Variants in LAT observed in about 807,000 individuals in gnomAD.
LAT encodes linker for activation of T cells, also known as linker for activation of T-cells family member 1.
A neutral mutation model predicts 39.1 loss-of-function variants in LAT; 12 were observed. The observed-to-expected ratio is 0.31, with a 90% CI of 0.20 to 0.50. LAT has a LOEUF of 0.50. LAT is among the 20% of genes least tolerant of loss of function. The probability of loss-of-function intolerance (pLI) is 0.98; values close to 1 mark genes in which losing one functional copy is unlikely to be tolerated. For synonymous variants in LAT, 117 were observed against 123.8 expected, an observed-to-expected ratio of 0.95 and a Z score of 0.36; for missense variants, 253 against 308.0, an observed-to-expected ratio of 0.82 and a Z score of 1.34.
At chr16:28,989,350 C>A (rs542002275) in intron 8 of LAT, 177 bp from the exon 9 acceptor site, 20 of 601,522 alleles carry the variant, frequency 3.3e-5, no homozygotes, top group Middle Eastern at 6.7e-4. Flanking sequence ...CCAACACCAT[C>A]CTTGCCAGCC....
In LAT at chr16:28,989,673, G is replaced by C. The variant is rs1965830186; in HGVS notation, c.556+84G>C. ...CAGTGTGACCAGATCCCACCCTGGGGCTACCCACACCCTCTGCCCCCTCTG... is the reference window on the plus strand; with the variant it reads ...CAGTGTGACCAGATCCCACCCTGGGCCTACCCACACCCTCTGCCCCCTCTG... On this transcript the variant is annotated intron_variant, in intron 9 of 11. Transcript: ENST00000395456. The C allele has an allele frequency of 3.2e-6, 5 of 1,583,626 alleles. No individual in the cohort carries two copies. In the African/African-American group the frequency reaches 4.0e-5, roughly 13 times the overall value.
At chr16:28,985,035 C>T (rs1965709328), upstream of LAT, 1 of 1,426,678 alleles carries the variant, frequency 7.0e-7, no homozygotes, top group Non-Finnish European at 9.1e-7. This position sits in a 1 kb window ranked among gnomAD's most constrained non-coding sequence, Gnocchi z 4.6. Flanking sequence ...ATTTCCTGCC[C>T]TCGCCCGGCG....
chr16:28,987,030 C>T (rs1027675111), intron 8 of LAT, 137 bp downstream of exon 8: 2 of 717,342 alleles, frequency 2.8e-6, no homozygotes, highest in South Asian at 2.0e-5. Flanking sequence ...GCCTCAGCCT[C>T]CCAAGTAGCT....
At chr16:28,984,864 G>A (rs1157549036), upstream of LAT, 2 of 1,550,028 alleles carry the variant, frequency 1.3e-6, no homozygotes, top group East Asian at 2.4e-5. Context: ...TCCTGGATAT[G>A]GAGGCCACGG....
At position 28,985,382 on chromosome 16, in the gene LAT, AGG is replaced by A. The variant is rs982847413; in HGVS notation, c.-33_-32del. ...CCTTGACTCTGCCCTTGAGGGGCCT[AGG>A]GGTGCAGCCAGCCTGCTCCGAGCTC... On this transcript the variant is annotated 5_prime_UTR_variant, in exon 1 of 12. Transcript: ENST00000395456. This position sits in a 1 kb window ranked among gnomAD's most constrained non-coding sequence, Gnocchi z 4.6. 1 of 1,611,812 alleles carries A rather than the reference AGG, an allele frequency of 6.2e-7. No individual in the cohort carries two copies. The highest frequency in any genetic ancestry group is 1.7e-5 in the Admixed American group (1 of 59,952).
In LAT at chr16:28,985,932, G is replaced by A. The variant is rs1965738400; in HGVS notation, c.163+44G>A. On this transcript the variant is annotated intron_variant, in intron 3 of 11. Coordinates refer to ENST00000395456, the MANE Select transcript of LAT (RefSeq NM_001014987.2). The surrounding 1 kb of genome is among the most constrained non-coding windows in gnomAD (Gnocchi z 4.6). ...CCCTACCTTGGGTGCCAGGGAGAGG[G>A]TCCCCTGGTGTGGGAGTGAGCGTGA... 3.7e-6 allele frequency: 6 copies of A among 1,600,660 alleles called. No homozygotes were observed. Among genetic ancestry groups the A allele is most frequent in the Non-Finnish European group, 5.1e-6 (6 of 1,167,918 alleles).
chr16:28,987,827 C>A (rs1965792349), intron 8 of LAT: 1 of 152,122 alleles, frequency 6.6e-6, no homozygotes, highest in Non-Finnish European at 1.5e-5. Flanking sequence ...CATGGTGGCT[C>A]ACTCCTGTAA....
In LAT at chr16:28,985,225, C is replaced by G; in HGVS notation, c.-193C>G. On this transcript the variant is annotated 5_prime_UTR_variant, in exon 1 of 12. Transcript: ENST00000395456. The surrounding 1 kb of genome is among the most constrained non-coding windows in gnomAD (Gnocchi z 4.6). ...CAGTCAGCTGGACGCACACTCAGCC[C>G]AGTAAAAGAGGGGACCCATCCCGGG... is the stretch of plus-strand genomic sequence containing the variant. 2 of 1,435,054 alleles carry G rather than the reference C, an allele frequency of 1.4e-6. No individual in the cohort carries two copies. Among genetic ancestry groups the G allele is most frequent in the Non-Finnish European group, 1.8e-6 (2 of 1,099,162 alleles). The allele number at this position is 1,435,054 out of a possible 1,614,324, so 88.9% of individuals were successfully genotyped here. A position where few individuals can be genotyped will look rare whatever the true frequency, so the allele number is the denominator to read the frequency against.
chr16:28,987,408 T>G (rs1046251448), intron 8 of LAT, among the ~76,000 whole-genome samples: 2 of 152,206 alleles, frequency 1.3e-5, no homozygotes, highest in African/African-American at 4.8e-5. Flanking sequence ...ATGAAACATC[T>G]CTAAGGATGT....
At chr16:28,989,624 C>T in intron 9 of LAT, 35 bp downstream of exon 9, 1 of 1,593,676 alleles carries the variant, frequency 6.3e-7, no homozygotes, top group South Asian at 1.1e-5. Context: ...CCTGCCCCTG[C>T]ACCCCGCTGC....
At position 28,990,318 on chromosome 16, in the gene LAT, C is replaced by T. The variant is rs779141735; in HGVS notation, c.*137C>T. ...CTGACAACAGCCTGAGAAATCCCCC[C>T]GTAACTTATTATCACTTTGGGGTTC... On this transcript the variant is annotated 3_prime_UTR_variant, in exon 12 of 12. Transcript: ENST00000395456. 11 of 613,068 alleles carry T rather than the reference C, an allele frequency of 1.8e-5. No individual in the cohort carries two copies. The highest frequency in any genetic ancestry group is 1.5e-5 in the South Asian group (1 of 65,186). The allele number at this position is 613,068 out of a possible 1,614,324, so 38.0% of individuals were successfully genotyped here. A position where few individuals can be genotyped will look rare whatever the true frequency, so the allele number is the denominator to read the frequency against.
rs1460412853 is a variant in LAT at position 28,989,766 on chromosome 16, C to T, written c.557-8C>T. On this transcript the variant is annotated splice_polypyrimidine_tract_variant and splice_region_variant and intron_variant, in intron 9 of 11. Transcript: ENST00000395456. ...GTGGCTGCCCCTCCTTCTGATCTGT[C>T]CCCACAGATGGCAGCCGGGAGTATG... is the stretch of plus-strand genomic sequence containing the variant. 1 of 1,614,056 alleles carries T rather than the reference C, an allele frequency of 6.2e-7. No homozygotes were observed. The highest frequency in any genetic ancestry group is 1.3e-5 in the African/African-American group (1 of 75,032).
chr16:28,985,525 G>A lies in LAT; in HGVS notation c.100+8G>A. 1 of 1,612,650 alleles carries A rather than the reference G, an allele frequency of 6.2e-7. No homozygotes were observed. Among genetic ancestry groups the A allele is most frequent in the Admixed American group, 1.7e-5 (1 of 59,948 alleles). On this transcript the variant is annotated splice_region_variant and intron_variant, in intron 1 of 11. Coordinates refer to ENST00000395456, the MANE Select transcript of LAT (RefSeq NM_001014987.2). This position sits in a 1 kb window ranked among gnomAD's most constrained non-coding sequence, Gnocchi z 4.6. ...ACTGCCACAGACTGCCAGGTGAGTGGGAAACTGGTGGGGGTACCCAGGGCC... is the reference window on the plus strand; with the variant it reads ...ACTGCCACAGACTGCCAGGTGAGTGAGAAACTGGTGGGGGTACCCAGGGCC...
chr16:28,989,746 T>C (rs1245374982), intron 9 of LAT, 28 bp from the exon 10 acceptor site: 1 of 1,613,434 alleles, frequency 6.2e-7, no homozygotes, highest in East Asian at 2.2e-5. Flanking sequence ...TTTGCGTGGC[T>C]GCCCCTCCTT....
Position 28,986,903 on chromosome 16 carries a change from G to A in LAT, c.493+10G>A, listed in dbSNP as rs987267721. On this transcript the variant is annotated intron_variant, in intron 8 of 11. Transcript: ENST00000395456. This position sits in a 1 kb window ranked among gnomAD's most constrained non-coding sequence, Gnocchi z 5.7. ...GACAGTGCCTTCTCCAGTGAGTCAG[G>A]CATTTGTTTTTATTTTTAAATTTTT... 1 of 1,611,206 alleles carries A rather than the reference G, an allele frequency of 6.2e-7. No homozygotes were observed. The highest frequency in any genetic ancestry group is 8.5e-7 in the Non-Finnish European group (1 of 1,178,542).
In LAT at chr16:28,986,963, A is replaced by G; in HGVS notation, c.493+70A>G. 1 of 1,272,226 alleles carries G rather than the reference A, an allele frequency of 7.9e-7. No homozygotes were observed. The allele number at this position is 1,272,226 out of a possible 1,614,324, so 78.8% of individuals were successfully genotyped here. On this transcript the variant is annotated intron_variant, in intron 8 of 11. Coordinates refer to ENST00000395456, the MANE Select transcript of LAT (RefSeq NM_001014987.2). This position sits in a 1 kb window ranked among gnomAD's most constrained non-coding sequence, Gnocchi z 5.7. ...GGCTGGAGTGCAGTGGTGCCATTGT[A>G]GCTCGCTGCAGCCTTGAACTCCTGG...
At position 28,986,335 on chromosome 16, in the gene LAT, C is replaced by T; in HGVS notation, c.246-47C>T. 1 of 1,600,314 alleles carries T rather than the reference C, an allele frequency of 6.2e-7. No homozygotes were observed. Among genetic ancestry groups the T allele is most frequent in the South Asian group, 1.1e-5 (1 of 90,688 alleles). On this transcript the variant is annotated intron_variant, in intron 4 of 11. Coordinates refer to ENST00000395456, the MANE Select transcript of LAT (RefSeq NM_001014987.2). This position sits in a 1 kb window ranked among gnomAD's most constrained non-coding sequence, Gnocchi z 5.7. ...CCTTTCCCTTTTGCAACTGCTGTTGCCCCCTGAGCCCCACCTCAGGCATGA... is the reference window on the plus strand; with the variant it reads ...CCTTTCCCTTTTGCAACTGCTGTTGTCCCCTGAGCCCCACCTCAGGCATGA...
chr16:28,987,205 C>T (rs576634276), intron 8 of LAT, among the ~76,000 whole-genome samples: 5 of 152,312 alleles, frequency 3.3e-5, no homozygotes, highest in South Asian at 4.1e-4. Flanking sequence ...CCACCATGCC[C>T]GGCCCTGTTC....
intron 10 of LAT, 29 bp downstream of exon 10, chr16:28,989,868 G>T: frequency 6.2e-7 from 1 of 1,613,972 alleles, no homozygotes; most frequent in Non-Finnish European, 8.5e-7. Flanking sequence ...GCAGGAGCTG[G>T]GGTAGCTGCT....
Sources: allele counts gnomAD v4.1 joint callset (sites outside exome capture counted in the v4.1 genomes callset), GRCh38; gene constraint gnomAD v4.1.1; non-coding constraint Gnocchi (gnomAD v3.1); transcripts MANE v1.5; gene names NCBI Gene and HGNC (gene_info 2026-07-23, HGNC 2026-07-21).